Variants in SH3RF2 observed in about 807,000 individuals in gnomAD.
SH3RF2 encodes SH3 domain containing ring finger 2, also known as E3 ubiquitin-protein ligase SH3RF2.
In SH3RF2, 43 loss-of-function variants were observed where a neutral mutation model predicts 59.0. That is an observed-to-expected ratio of 0.73 (90% CI 0.57 to 0.94). The LOEUF (loss-of-function observed/expected upper bound fraction) is 0.94, where lower values mean the gene tolerates loss of function less well. Ranked by LOEUF, SH3RF2 falls within the 40% of genes least tolerant of loss-of-function variation. The pLI is 0.00. For synonymous variants in SH3RF2, 391 were observed against 391.5 expected (o/e 1.00, Z 0.01); for missense variants, 930 against 940.1 (o/e 0.99, Z 0.14).
In SH3RF2 at chr5:146,008,271, G is replaced by A. The variant is rs113830468; in HGVS notation, c.744+4118G>A. On this transcript the variant is annotated intron_variant, in intron 4 of 9. Transcript: ENST00000359120. ...CTTCCCCAGCAGAGCTATTAATCAT[G>A]TTGGCAGAGGACAGGGCAGACGCAG... 8.5e-5 allele frequency among the ~76,000 whole-genome samples: 13 copies of A among 152,322 alleles called. 3 individuals are homozygous for A. The highest frequency in any genetic ancestry group is 2.6e-4 in the African/African-American group (11 of 41,582).
chr5:145,987,420 G>C (rs1487187828), intron 2 of SH3RF2, among the ~76,000 whole-genome samples: 2 of 152,050 alleles, frequency 1.3e-5, no homozygotes, highest in Non-Finnish European at 2.9e-5. Flanking sequence ...CCACATATCA[G>C]TGAGAACATA....
intron 2 of SH3RF2, among the ~76,000 whole-genome samples, chr5:145,983,433 A>G (rs563360238): frequency 8.5e-5 from 13 of 152,298 alleles, no homozygotes; most frequent in Non-Finnish European, 1.8e-4. Context: ...GAGTGACCAT[A>G]TAACTCTTTC....
chr5:146,012,144 G>C (rs1760929351), intron 4 of SH3RF2, among the ~76,000 whole-genome samples: 1 of 152,104 alleles, frequency 6.6e-6, no homozygotes, highest in Admixed American at 6.5e-5. Context: ...ATAATCATAT[G>C]GTTTTTGTCG....
rs1479848387 is a variant in SH3RF2 at position 146,028,101 on chromosome 5, G to GAC, written c.1059+14043_1059+14044dup. 2.2e-4 allele frequency among the ~76,000 whole-genome samples: 33 copies of GAC among 149,294 alleles called. No individual in the cohort carries two copies. The East Asian group carries it at 6.0e-3, about 27-fold the overall frequency. Reference sequence around the variant, plus strand: ...CCTGTACCTCAGACATTTTAATGTAGACACTATAGCTCTGGGAGCTGGGAG... The same window carrying GAC: ...CCTGTACCTCAGACATTTTAATGTAGACACACTATAGCTCTGGGAGCTGGGAG... On this transcript the variant is annotated intron_variant, in intron 5 of 9. Coordinates refer to ENST00000359120, the MANE Select transcript of SH3RF2 (RefSeq NM_152550.4).
Position 146,071,037 on chromosome 5 carries a change from T to C in SH3RF2, c.*34-7423T>C, listed in dbSNP as rs1398156407. Among the ~76,000 whole-genome samples, 5 of 152,222 alleles carry C rather than the reference T, an allele frequency of 3.3e-5. No individual in the cohort carries two copies. The East Asian group carries it at 5.8e-4, about 18-fold the overall frequency. ...TGACTGCTATAGGTCACACATGTCC[T>C]GGAGGCTAGCACCATCCTAATGACC... On this transcript the variant is annotated intron_variant, in intron 9 of 9. Coordinates refer to the SH3RF2 transcript ENST00000511217.
chr5:146,017,575 A>C (rs1429836685), intron 5 of SH3RF2, among the ~76,000 whole-genome samples: 1 of 150,448 alleles, frequency 6.6e-6, no homozygotes, highest in Admixed American at 6.6e-5. Flanking sequence ...CTTCATCCCT[A>C]CTCCTTAAGC....
In SH3RF2 at chr5:146,060,113, T is replaced by C; in HGVS notation, c.1803T>C (p.Ile601=). Residue 601 remains isoleucine, a synonymous_variant, in exon 9 of 10, where the codon ATT becomes ATC. Coordinates refer to ENST00000359120, the MANE Select transcript of SH3RF2 (RefSeq NM_152550.4). ...AWIHSAASSL[I]MEDKEIPIKS... ...TCCACTCCGCGGCCAGCTCCCTCAT[T>C]ATGGAAGACAAAGAAATCCCCATCA... is the stretch of plus-strand genomic sequence containing the variant. The C allele has an allele frequency of 6.2e-7, 1 of 1,613,986 alleles. No homozygotes were observed. Among genetic ancestry groups the C allele is most frequent in the Non-Finnish European group, 8.5e-7 (1 of 1,179,976 alleles).
At chr5:145,971,095 C>T (rs1580792400) in intron 2 of SH3RF2, among the ~76,000 whole-genome samples, 1 of 152,324 alleles carries the variant, frequency 6.6e-6, no homozygotes, top group South Asian at 2.1e-4. Context: ...CAGGGCTCCA[C>T]TTTACCCTGC....
At chr5:146,022,222 A>G (rs1274523373) in intron 5 of SH3RF2, among the ~76,000 whole-genome samples, 2 of 152,064 alleles carry the variant, frequency 1.3e-5, no homozygotes, top group Non-Finnish European at 2.9e-5. Flanking sequence ...TTATTTATTT[A>G]TTTTAGATAA....
chr5:146,028,983 CAT>C (rs1322317760), intron 5 of SH3RF2, among the ~76,000 whole-genome samples: 2 of 152,154 alleles, frequency 1.3e-5, no homozygotes, highest in African/African-American at 4.8e-5. Context: ...TGCAGAGAAA[CAT>C]ACATATGTAG....
intron 2 of SH3RF2, among the ~76,000 whole-genome samples, chr5:145,970,313 A>T (rs1759031355): frequency 6.6e-6 from 1 of 151,824 alleles, no homozygotes; most frequent in South Asian, 2.1e-4. Context: ...CCATTATATC[A>T]TTCTTATGTC....
At chr5:146,009,219 CT>C (rs755661976) in intron 4 of SH3RF2, among the ~76,000 whole-genome samples, 1 of 152,158 alleles carries the variant, frequency 6.6e-6, no homozygotes, top group Non-Finnish European at 1.5e-5. Flanking sequence ...GTAGCATGAG[CT>C]TTTAAAAGCA....
intron 2 of SH3RF2, among the ~76,000 whole-genome samples, chr5:145,955,990 G>A (rs2149949981): frequency 6.6e-6 from 1 of 152,284 alleles, no homozygotes; most frequent in African/African-American, 2.4e-5. Flanking sequence ...TTCCAAAAGG[G>A]TAAGTTAAGA....
At chr5:146,079,713 G>A (rs1021374724) in exon 10 of SH3RF2, 5 of 152,218 alleles carry the variant, frequency 3.3e-5, no homozygotes, top group African/African-American at 9.7e-5. Flanking sequence ...CTTTTAATGC[G>A]ATGAATAATT....
At chr5:145,964,170 CTTTCTTTCTT>C (rs1758759494) in intron 2 of SH3RF2, among the ~76,000 whole-genome samples, 1 of 151,144 alleles carries the variant, frequency 6.6e-6, no homozygotes, top group Non-Finnish European at 1.5e-5. Context: ...TTCTTTTTTT[CTTTCTTTCTT>C]TTTCTTTCTT....
At chr5:145,960,538 T>A (rs989350184) in intron 2 of SH3RF2, among the ~76,000 whole-genome samples, 3 of 152,202 alleles carry the variant, frequency 2.0e-5, no homozygotes, top group Admixed American at 2.0e-4. Context: ...AAGACTCCTT[T>A]GTATCTAATA....
chr5:146,036,882 T>C (rs886329152), intron 5 of SH3RF2, among the ~76,000 whole-genome samples: 1 of 152,258 alleles, frequency 6.6e-6, no homozygotes, highest in East Asian at 1.9e-4. Flanking sequence ...ATGAGAATGG[T>C]CAACCTAGCA....
intron 7 of SH3RF2, among the ~76,000 whole-genome samples, chr5:146,050,633 G>C (rs1762462161): frequency 6.6e-6 from 1 of 152,180 alleles, no homozygotes; most frequent in African/African-American, 2.4e-5. Flanking sequence ...TACATGGCAG[G>C]AACTTTTCCA....
intron 2 of SH3RF2, among the ~76,000 whole-genome samples, chr5:145,939,115 C>T (rs189726097): frequency 6.6e-6 from 1 of 152,200 alleles, no homozygotes; most frequent in Non-Finnish European, 1.5e-5. Flanking sequence ...GGCTATGAAC[C>T]TTGTTGTGGG....
Sources: allele counts gnomAD v4.1 joint callset (sites outside exome capture counted in the v4.1 genomes callset), GRCh38; gene constraint gnomAD v4.1.1; transcripts MANE v1.5; gene names NCBI Gene and HGNC (gene_info 2026-07-23, HGNC 2026-07-21).